Variants in DNAH8 observed in about 807,000 individuals in gnomAD.
The protein encoded by DNAH8 is dynein axonemal heavy chain 8, also known as axonemal beta dynein heavy chain 8.
A neutral mutation model predicts 562.1 loss-of-function variants in DNAH8; 382 were observed. That is an observed-to-expected ratio of 0.68 (90% CI 0.63 to 0.74). The LOEUF (loss-of-function observed/expected upper bound fraction) is 0.74. Ranked by LOEUF, DNAH8 falls within the 30% of genes least tolerant of loss-of-function variation. The probability of loss-of-function intolerance (pLI) is 0.00; values close to 1 mark genes in which losing one functional copy is unlikely to be tolerated. For missense variants in DNAH8, 5,203 were observed against 5,620.4 expected, an observed-to-expected ratio of 0.93 and a Z score of 2.37; for synonymous variants, 1,881 against 1,919.4, an observed-to-expected ratio of 0.98 and a Z score of 0.52.
intron 45 of DNAH8, among the ~76,000 whole-genome samples, chr6:38,865,811 C>T (rs1776991094): frequency 6.6e-6 from 1 of 152,202 alleles, no homozygotes; most frequent in African/African-American, 2.4e-5. Flanking sequence ...GAGAGGCAGC[C>T]TCAATTTCTG....
intron 8 of DNAH8, among the ~76,000 whole-genome samples, chr6:38,749,171 A>C (rs888629792): frequency 8.5e-5 from 13 of 152,158 alleles, no homozygotes; most frequent in African/African-American, 3.1e-4. Context: ...GCACATATAC[A>C]CCATGGAGTA....
intron 88 of DNAH8, among the ~76,000 whole-genome samples, chr6:38,996,328 C>T (rs1182724539): frequency 6.6e-6 from 1 of 152,124 alleles, no homozygotes; most frequent in African/African-American, 2.4e-5. Flanking sequence ...TAGAGCTCAT[C>T]TATGCCAATG....
At chr6:39,019,798 C>T (rs1363555779) in intron 91 of DNAH8, among the ~76,000 whole-genome samples, 2 of 151,996 alleles carry the variant, frequency 1.3e-5, no homozygotes, top group Admixed American at 6.6e-5. Context: ...CTTAATGGGT[C>T]GCAGCAGATG....
intron 62 of DNAH8, among the ~76,000 whole-genome samples, chr6:38,900,212 A>G (rs1252291463): frequency 6.6e-6 from 1 of 152,152 alleles, no homozygotes; most frequent in East Asian, 1.9e-4. Flanking sequence ...CCAGTTTTGA[A>G]TTTTGTATCA....
chr6:38,808,622 A>G (rs184559797), intron 24 of DNAH8, among the ~76,000 whole-genome samples: 2 of 152,302 alleles, frequency 1.3e-5, no homozygotes, highest in South Asian at 4.1e-4. Context: ...ATCATTCTCC[A>G]ATAAAGACAT....
intron 1 of DNAH8, among the ~76,000 whole-genome samples, chr6:38,715,939 TATATA>T (rs1762266927): frequency 1.2e-4 from 3 of 25,548 alleles, no homozygotes; most frequent in East Asian, 1.8e-3. Context: ...TATATATATA[TATATA>T]TATATATATA....
chr6:38,887,990 C>T (rs1779078615), intron 57 of DNAH8, among the ~76,000 whole-genome samples: 1 of 151,940 alleles, frequency 6.6e-6, no homozygotes, highest in Non-Finnish European at 1.5e-5. Flanking sequence ...GCGCCTGCCA[C>T]CACACCCGGC....
chr6:38,723,229 G>A, intron 2 of DNAH8, 30 bp downstream of exon 2: 3 of 1,586,762 alleles, frequency 1.9e-6, no homozygotes, highest in Non-Finnish European at 2.6e-6. Context: ...TTTCATGTGT[G>A]CCACTTTTCC....
intron 17 of DNAH8, among the ~76,000 whole-genome samples, chr6:38,783,417 C>T (rs1768839012): frequency 6.6e-6 from 1 of 152,132 alleles, no homozygotes; most frequent in Non-Finnish European, 1.5e-5. Flanking sequence ...GATATTTCTC[C>T]AGACTTTATG....
intron 86 of DNAH8, among the ~76,000 whole-genome samples, chr6:38,983,616 T>C (rs1764179244): frequency 6.6e-6 from 1 of 152,202 alleles, no homozygotes; most frequent in Admixed American, 6.5e-5. Flanking sequence ...AACTCAAATG[T>C]ATCAAGGGTT....
intron 39 of DNAH8, 56 bp downstream of exon 39, chr6:38,851,730 G>T (rs2150389329): frequency 9.3e-7 from 1 of 1,080,378 alleles, no homozygotes; most frequent in Non-Finnish European, 1.4e-6. Flanking sequence ...ACACAATGAA[G>T]AATAAAAGTG....
At chr6:38,927,019 C>T (rs1782176045) in intron 74 of DNAH8, among the ~76,000 whole-genome samples, 1 of 152,090 alleles carries the variant, frequency 6.6e-6, no homozygotes, top group African/African-American at 2.4e-5. Flanking sequence ...TCTATTGTAC[C>T]ATGAACTCCT....
chr6:39,018,317 C>T (rs998526231), intron 91 of DNAH8, among the ~76,000 whole-genome samples: 1 of 152,180 alleles, frequency 6.6e-6, no homozygotes, highest in African/African-American at 2.4e-5. Context: ...AAGCTGCTCT[C>T]TCCACGGCCC....
intron 21 of DNAH8, among the ~76,000 whole-genome samples, chr6:38,796,904 T>C (rs1241970575): frequency 2.0e-5 from 3 of 152,180 alleles, no homozygotes; most frequent in Admixed American, 1.3e-4. Context: ...TTTAACTGTG[T>C]TTAACCCATC....
At chr6:38,941,307 G>A (rs912776246) in intron 79 of DNAH8, among the ~76,000 whole-genome samples, 6 of 152,022 alleles carry the variant, frequency 3.9e-5, no homozygotes, top group African/African-American at 1.4e-4. Context: ...TATAATAAAC[G>A]GGCAGTCACC....
At chr6:38,871,747 T>G (rs926511016) in intron 49 of DNAH8, among the ~76,000 whole-genome samples, 15 of 152,160 alleles carry the variant, frequency 9.9e-5, no homozygotes, top group Non-Finnish European at 2.1e-4. Flanking sequence ...TTCTGTGTGT[T>G]TTCGCTTCTA....
rs373025624 is a variant in DNAH8, at chr6:38,931,869, C to T, written c.11333C>T (p.Thr3778Met). The T allele has an allele frequency of 4.3e-6, 7 of 1,609,850 alleles. No individual in the cohort carries two copies. Among genetic ancestry groups the T allele is most frequent in the South Asian group, 1.1e-5 (1 of 90,264 alleles). The change falls in exon 76 of 93, where the codon ACG becomes ATG. Residue 3778 changes from threonine (T) to methionine (M), a missense_variant. Physicochemically the swap from Thr to Met is moderately conservative, Grantham distance 81 (BLOSUM62 -1). Transcript: ENST00000327475. ...IMDTFKLYIT[T>M]KLPNPAFTPE... The stretch of plus-strand genomic sequence containing the variant: ...GATACATTTAAACTTTACATTACTA[C>T]GAAGTTACCAAATCCTGCCTTTACC...
At position 38,737,107 on chromosome 6, in the gene DNAH8, TAAATG is replaced by T. The variant is rs1764159446; in HGVS notation, c.804_808del (p.Gly270Ter). On this transcript the variant is annotated frameshift_variant, in exon 6 of 93. Coordinates refer to ENST00000327475, the MANE Select transcript of DNAH8 (RefSeq NM_001206927.2). LOFTEE classifies it high-confidence loss of function. The stretch of plus-strand genomic sequence containing the variant: ...GTTCTGGATGCGTCGAAAGGACTCT[TAAATG>T]GAATTAGGGATATGTTGGCAAATAT... 1 of 1,572,096 alleles carries T rather than the reference TAAATG, an allele frequency of 6.4e-7. No homozygotes were observed. Among genetic ancestry groups the T allele is most frequent in the Non-Finnish European group, 8.6e-7 (1 of 1,164,710 alleles).
chr6:38,912,395 G>A (rs555672292), intron 66 of DNAH8, among the ~76,000 whole-genome samples: 13 of 152,206 alleles, frequency 8.5e-5, no homozygotes, highest in Non-Finnish European at 1.9e-4. Context: ...AGCCCTGGAG[G>A]TCAAGGCTGC....
Sources: allele counts gnomAD v4.1 joint callset (sites outside exome capture counted in the v4.1 genomes callset), GRCh38; gene constraint gnomAD v4.1.1; transcripts MANE v1.5; gene names NCBI Gene and HGNC (gene_info 2026-07-23, HGNC 2026-07-21).